SLK: variants seen among roughly 807,000 people sequenced by gnomAD.
SLK encodes the protein STE20-like serine/threonine-protein kinase.
A neutral mutation model predicts 147.7 loss-of-function variants in SLK; 67 were observed. The ratio of observed to expected loss-of-function variants is 0.45; its 90% CI spans 0.37 to 0.56. The LOEUF is 0.56. Ranked by LOEUF, SLK falls within the 20% of genes least tolerant of loss-of-function variation. The probability of loss-of-function intolerance (pLI) is 0.00; values close to 1 mark genes in which losing one functional copy is unlikely to be tolerated. For synonymous variants in SLK, 441 were observed against 475.0 expected (o/e 0.93, Z 0.93); for missense variants, 1,136 against 1,438.8 (o/e 0.79, Z 3.41).
intron 13 of SLK, among the ~76,000 whole-genome samples, chr10:104,013,306 C>T (rs753348861): frequency 4.6e-5 from 7 of 152,346 alleles, no homozygotes; most frequent in Admixed American, 2.6e-4. Flanking sequence ...GTCCCTAAGA[C>T]GGCAAGAACT....
chr10:103,973,555 A>G (rs1843821873), intron 1 of SLK, among the ~76,000 whole-genome samples: 1 of 152,202 alleles, frequency 6.6e-6, no homozygotes, highest in Admixed American at 6.5e-5. Flanking sequence ...CATTGAATTT[A>G]TAAATCAGTT....
chr10:103,996,684 C>T (rs1844179660), intron 4 of SLK, among the ~76,000 whole-genome samples: 2 of 152,118 alleles, frequency 1.3e-5, no homozygotes, highest in South Asian at 2.1e-4. Context: ...TGTGAGCCAC[C>T]GTGCCCGGCC....
Position 103,998,962 on chromosome 10 carries a change from C to A in SLK, c.578C>A (p.Thr193Lys). The A allele has an allele frequency of 6.2e-7, 1 of 1,606,652 alleles. No individual in the cohort carries two copies. The highest frequency in any genetic ancestry group is 8.5e-7 in the Non-Finnish European group (1 of 1,173,664). The change falls in exon 5 of 19, where the codon ACA (threonine) becomes AAA (lysine). Residue 193 changes from threonine to lysine, a missense_variant. Thr to Lys is a moderately conservative substitution (Grantham distance 78). Coordinates refer to ENST00000369755, the MANE Select transcript of SLK (RefSeq NM_014720.4). The stretch of plus-strand genomic sequence containing the variant: ...CAAAGAAGAGATTCCTTTATTGGTA[C>A]ACCATATTGGTATGTATTCAGTTTT... ...TIQRRDSFIG[T>K]PYWMAPEVVM...
rs764879784 is a variant in SLK at position 104,001,399 on chromosome 10, A to T, written c.865-45A>T. On this transcript the variant is annotated intron_variant, in intron 7 of 18. Coordinates refer to ENST00000369755, the MANE Select transcript of SLK (RefSeq NM_014720.4). ...GTTGTGTGTGTTTGAAACTTAGTTT[A>T]GTAGTATTCCAGTTGTTGAGTATGT... 2.7e-6 allele frequency: 4 copies of T among 1,476,522 alleles called. No individual in the cohort carries two copies. In the Admixed American group the frequency reaches 6.8e-5, roughly 25 times the overall value. 91.5% of individuals were successfully genotyped at this position (1,476,522 alleles called of 1,614,324 possible). A position where few individuals can be genotyped will look rare whatever the true frequency, so the allele number is the denominator to read the frequency against.
chr10:104,016,040 T>C (rs140186493), intron 13 of SLK, among the ~76,000 whole-genome samples: 2,121 of 152,168 alleles, frequency 0.014, 14 homozygotes, highest in Middle Eastern at 0.031. Flanking sequence ...CAGTTGAGGC[T>C]GGGCGCGTTG....
At chr10:103,980,897 CTGCCATAT>C (rs1439268173) in intron 1 of SLK, among the ~76,000 whole-genome samples, 3 of 152,034 alleles carry the variant, frequency 2.0e-5, no homozygotes, top group Admixed American at 6.6e-5. Flanking sequence ...TTTGGGGGAA[CTGCCATAT>C]TGTTTTCTGT....
At chr10:103,992,862 T>C in intron 3 of SLK, 122 bp from the exon 4 acceptor site, 1 of 621,194 alleles carries the variant, frequency 1.6e-6, no homozygotes, top group East Asian at 4.1e-5. Flanking sequence ...ATATAGTTCT[T>C]TTAAAATAAA....
At chr10:103,996,162 A>G (rs117254627) in intron 4 of SLK, among the ~76,000 whole-genome samples, 1,804 of 152,284 alleles carry the variant, frequency 0.012, 23 homozygotes, top group South Asian at 0.063. Context: ...TTGTACCCTT[A>G]TAGTTGAAGG....
At chr10:104,014,963 C>T (rs1326689727) in intron 13 of SLK, among the ~76,000 whole-genome samples, 1 of 151,594 alleles carries the variant, frequency 6.6e-6, no homozygotes, top group Non-Finnish European at 1.5e-5. Context: ...CTTTTCATAC[C>T]TGAAAGTAAT....
At chr10:103,982,576 TA>T (rs1564651836) in intron 1 of SLK, among the ~76,000 whole-genome samples, 1 of 152,224 alleles carries the variant, frequency 6.6e-6, no homozygotes, top group Non-Finnish European at 1.5e-5. Flanking sequence ...ATTTCTGTAA[TA>T]TTTTACAGAA....
chr10:104,004,377 T>A (rs1230647967), intron 9 of SLK, among the ~76,000 whole-genome samples: 1 of 152,232 alleles, frequency 6.6e-6, no homozygotes, highest in Non-Finnish European at 1.5e-5. Context: ...TTCACTGACT[T>A]AATAGCCTCT....
chr10:103,991,757 G>A (rs939462739), intron 2 of SLK, among the ~76,000 whole-genome samples: 2 of 152,002 alleles, frequency 1.3e-5, no homozygotes, highest in African/African-American at 2.4e-5. Flanking sequence ...AAGGCAGGAA[G>A]CTACCTAATT....
At chr10:104,019,026 C>G in intron 15 of SLK, 118 bp downstream of exon 15, 2 of 1,005,984 alleles carry the variant, frequency 2.0e-6, no homozygotes, top group Non-Finnish European at 2.9e-6. Flanking sequence ...TGTCTTTTAT[C>G]CTACAATTTC....
chr10:103,970,236 CAAG>C (rs1323215867), intron 1 of SLK, among the ~76,000 whole-genome samples: 1 of 152,164 alleles, frequency 6.6e-6, no homozygotes, highest in African/African-American at 2.4e-5. Flanking sequence ...GGAAAGGAAC[CAAG>C]AAGATAATAA....
At chr10:103,998,860 TA>T in intron 4 of SLK, 38 bp from the exon 5 acceptor site, 1 of 1,480,904 alleles carries the variant, frequency 6.8e-7, no homozygotes, top group Non-Finnish European at 9.4e-7. Flanking sequence ...GAACAATGCT[TA>T]AAAGTTCTCA....
intron 4 of SLK, among the ~76,000 whole-genome samples, chr10:103,996,964 A>G (rs913618542): frequency 6.6e-6 from 1 of 152,092 alleles, no homozygotes; most frequent in African/African-American, 2.4e-5. Flanking sequence ...TTAAGTGTAC[A>G]TTTCTGTGGT....
chr10:103,968,045 G>C, intron 1 of SLK, 150 bp downstream of exon 1: 1 of 789,642 alleles, frequency 1.3e-6, no homozygotes, highest in East Asian at 2.8e-5. Context: ...ATCATCCAAG[G>C]AGTAGCTAAG....
intron 18 of SLK, among the ~76,000 whole-genome samples, chr10:104,023,475 T>C (rs1049363575): frequency 6.6e-6 from 1 of 152,200 alleles, no homozygotes; most frequent in Non-Finnish European, 1.5e-5. Flanking sequence ...AAAATGAGAG[T>C]GATACTACCT....
chr10:103,992,454 A>G (rs2487998), intron 2 of SLK, 144 bp from the exon 3 acceptor site: 22,822 of 711,750 alleles, frequency 0.032, 483 homozygotes, highest in Non-Finnish European at 0.04. Flanking sequence ...TTTTGACAAA[A>G]TCTTCGTTTA....
Sources: gnomAD v4.1 joint callset for allele counts (sites outside exome capture counted in the v4.1 genomes callset) on GRCh38, gnomAD v4.1.1 for gene constraint, MANE v1.5 for transcripts, NCBI Gene and HGNC (gene_info 2026-07-23, HGNC 2026-07-21) for gene names.